Variants in TMPRSS13 observed in about 807,000 individuals in gnomAD.
TMPRSS13 encodes transmembrane protease serine 13.
Under a neutral mutation model 68.4 loss-of-function variants are expected in TMPRSS13, and 50 were observed. The ratio of observed to expected loss-of-function variants is 0.73; its 90% CI spans 0.58 to 0.93. The LOEUF is 0.93. Among genes scored for constraint, TMPRSS13 ranks in the 40% least tolerant of loss-of-function variants. The pLI is 0.00. For missense variants in TMPRSS13, 615 were observed against 729.2 expected (o/e 0.84, Z 1.80); for synonymous variants, 267 against 285.8 (o/e 0.93, Z 0.66).
At chr11:117,905,592 C>G in intron 10 of TMPRSS13, 46 bp downstream of exon 10, 5 of 1,482,506 alleles carry the variant, frequency 3.4e-6, no homozygotes, top group Non-Finnish European at 4.6e-6. Context: ...TATACACACA[C>G]ATGCACATGA....
chr11:117,916,669 G>A lies in TMPRSS13; in HGVS notation c.556+501C>T, dbSNP rs150624463. ...GCCTGAACCCCTGAATGCTGAACAC[G>A]TCATCCCATTGACTGAATATCCTTG... is the stretch of plus-strand genomic sequence containing the variant. On this transcript the variant is annotated intron_variant, in intron 3 of 12. Coordinates refer to ENST00000524993, the MANE Select transcript of TMPRSS13 (RefSeq NM_001077263.3). Among the ~76,000 whole-genome samples the A allele has an allele frequency of 3.9e-5, 6 of 152,298 alleles. No individual in the cohort carries two copies. In the East Asian group the frequency reaches 1.2e-3, roughly 29 times the overall value.
chr11:117,916,608 T>G (rs2057580501), intron 3 of TMPRSS13, among the ~76,000 whole-genome samples: 1 of 152,266 alleles, frequency 6.6e-6, no homozygotes, highest in Non-Finnish European at 1.5e-5. Flanking sequence ...CAGAGAGCCC[T>G]GGGGCATGCC....
chr11:117,920,883 T>G (rs1204775712), intron 1 of TMPRSS13, among the ~76,000 whole-genome samples: 1 of 152,220 alleles, frequency 6.6e-6, no homozygotes, highest in Non-Finnish European at 1.5e-5. Flanking sequence ...CAACTGCGTT[T>G]CCTGGGCAAG....
chr11:117,902,074 ACAC>A lies in TMPRSS13; in HGVS notation c.*162_*164del. The A allele has an allele frequency of 1.3e-5, 1 of 75,826 alleles. No individual in the cohort carries two copies. The allele number at this position is 75,826 out of a possible 1,614,324, so 4.7% of individuals were successfully genotyped here. A position where few individuals can be genotyped will look rare whatever the true frequency, so the allele number is the denominator to read the frequency against. Reference sequence around the variant, plus strand: ...GGAGAGTGGCAATGCACACATATGCACACACACACACACACACACACACACACA... The same window carrying A: ...GGAGAGTGGCAATGCACACATATGCAACACACACACACACACACACACACA... On this transcript the variant is annotated 3_prime_UTR_variant, in exon 13 of 13. Transcript: ENST00000524993.
At position 117,918,824 on chromosome 11, in the gene TMPRSS13, T is replaced by C. The variant is rs74585113; in HGVS notation, c.36A>G (p.Ala12=). Residue 12 remains alanine, a synonymous_variant, in exon 2 of 13, where the codon GCA becomes GCG. Transcript: ENST00000524993. ...ERDSHGNASP[A]RTPSAGASPA... Reference sequence around the variant, plus strand: ...GAGATGCTCCAGCTGAAGGTGTTCTTGCTGGAGATGCATTCTGAAAGCAGA... The same window carrying C: ...GAGATGCTCCAGCTGAAGGTGTTCTCGCTGGAGATGCATTCTGAAAGCAGA... 2.7e-3 allele frequency: 4,364 copies of C among 1,613,674 alleles called. 97 individuals carry two copies. In the East Asian group the frequency reaches 0.059, roughly 22 times the overall value.
At chr11:117,907,015 C>T (rs1328614308) in intron 9 of TMPRSS13, among the ~76,000 whole-genome samples, 2 of 152,138 alleles carry the variant, frequency 1.3e-5, no homozygotes, top group Middle Eastern at 3.4e-3. Context: ...CTATTGGAGC[C>T]TGGAGGGAGA....
rs1421450355 is a variant in TMPRSS13, at chr11:117,914,616, C to A, written c.557-102G>T. The A allele has an allele frequency of 1.3e-6, 2 of 1,550,622 alleles. No homozygotes were observed. The highest frequency in any genetic ancestry group is 1.4e-5 in the African/African-American group (1 of 73,588). On this transcript the variant is annotated intron_variant, in intron 3 of 12. Transcript: ENST00000524993. This position sits in a 1 kb window ranked among gnomAD's most constrained non-coding sequence, Gnocchi z 4.2. ...GGGTTCTGAGACACCGACCTGCAAT[C>A]CCTCTTGAACTCTGGGGCTCTCATC...
chr11:117,926,308 C>T (rs943108588), intron 1 of TMPRSS13, among the ~76,000 whole-genome samples: 3 of 152,138 alleles, frequency 2.0e-5, no homozygotes, highest in African/African-American at 7.2e-5. Context: ...AGGGCAGGTG[C>T]CAGGGTCCTT....
chr11:117,913,686 A>G, intron 5 of TMPRSS13, 91 bp downstream of exon 5: 1 of 1,515,334 alleles, frequency 6.6e-7, no homozygotes, highest in Middle Eastern at 1.8e-4. Flanking sequence ...GGGTCTTTTT[A>G]ATATAATGTT....
rs559406052 is a variant in TMPRSS13 at position 117,917,054 on chromosome 11, A to G, written c.556+116T>C. 34 of 860,076 alleles carry G rather than the reference A, an allele frequency of 4.0e-5. 1 individual carries two copies. The South Asian group carries it at 5.3e-4, about 13-fold the overall frequency. 53.3% of individuals were successfully genotyped at this position (860,076 alleles called of 1,614,324 possible). A position where few individuals can be genotyped will look rare whatever the true frequency, so the allele number is the denominator to read the frequency against. On this transcript the variant is annotated intron_variant, in intron 3 of 12. Transcript: ENST00000524993. ...TGCAGGAGTGTCCCTCTCTGGACACAGTAGCCGGGTGAGTGGGTGCTCCCC... is the reference window on the plus strand; with the variant it reads ...TGCAGGAGTGTCCCTCTCTGGACACGGTAGCCGGGTGAGTGGGTGCTCCCC...
intron 7 of TMPRSS13, 155 bp downstream of exon 7, chr11:117,910,552 C>T (rs545559736): frequency 3.0e-6 from 2 of 658,244 alleles, no homozygotes; most frequent in South Asian, 4.7e-5. Context: ...GTACCGGTGC[C>T]TTACAGGGAC....
intron 1 of TMPRSS13, among the ~76,000 whole-genome samples, chr11:117,928,214 C>G (rs1449617658): frequency 6.6e-6 from 1 of 152,192 alleles, no homozygotes; most frequent in African/African-American, 2.4e-5. Context: ...CAGTAAGAGG[C>G]TCTGATAACC....
rs534251851 is a variant in TMPRSS13 at position 117,915,897 on chromosome 11, C to T, written c.556+1273G>A. Among the ~76,000 whole-genome samples, 7 of 152,308 alleles carry T rather than the reference C, an allele frequency of 4.6e-5. No individual in the cohort carries two copies. Among genetic ancestry groups the T allele is most frequent in the Middle Eastern group, 3.4e-3 (1 of 294 alleles). On this transcript the variant is annotated intron_variant, in intron 3 of 12. Transcript: ENST00000524993. The surrounding 1 kb of genome is among the most constrained non-coding windows in gnomAD (Gnocchi z 4.9). ...CAGCAAGTCACAGCAGGCACCATGC[C>T]GAGGCCTTTATGTGCATTATGACAA...
intron 1 of TMPRSS13, among the ~76,000 whole-genome samples, chr11:117,921,330 A>G (rs1054899891): frequency 1.1e-4 from 16 of 152,216 alleles, no homozygotes; most frequent in Admixed American, 1.3e-4. Context: ...CAAGCTGGGC[A>G]GGAATTACTA....
rs929998147 is a variant in TMPRSS13 at position 117,900,959 on chromosome 11, G to T, written c.*1280C>A. On this transcript the variant is annotated 3_prime_UTR_variant, in exon 13 of 13. Transcript: ENST00000524993. The stretch of plus-strand genomic sequence containing the variant: ...TAGGTGCCCCAGAAAAAAGGCTGGG[G>T]AAGGCCCAGGCTTTTAGCTGGCGAG... 6.6e-6 allele frequency: 1 copy of T among 152,332 alleles called. No individual in the cohort carries two copies. The highest frequency in any genetic ancestry group is 1.5e-5 in the Non-Finnish European group (1 of 68,100). 9.4% of individuals were successfully genotyped at this position (152,332 alleles called of 1,614,324 possible).
Position 117,925,049 on chromosome 11 carries a change from C to T in TMPRSS13, c.21+4238G>A, listed in dbSNP as rs2057691358. On this transcript the variant is annotated intron_variant, in intron 1 of 12. Transcript: ENST00000524993. ...TCACATCCTTCTCTGGGCCTCAGCTCCCTCTTCAATAAATTAAGGGTGTTG... is the reference window on the plus strand; with the variant it reads ...TCACATCCTTCTCTGGGCCTCAGCTTCCTCTTCAATAAATTAAGGGTGTTG... Among the ~76,000 whole-genome samples, 3 of 152,202 alleles carry T rather than the reference C, an allele frequency of 2.0e-5. No individual in the cohort carries two copies. In the South Asian group the frequency reaches 6.2e-4, roughly 32 times the overall value.
Position 117,914,574 on chromosome 11 carries a change from G to A in TMPRSS13, c.557-60C>T. 1 of 1,605,448 alleles carries A rather than the reference G, an allele frequency of 6.2e-7. No homozygotes were observed. The highest frequency in any genetic ancestry group is 8.5e-7 in the Non-Finnish European group (1 of 1,178,052). Reference sequence around the variant, plus strand: ...CAGCCCCACTGAGATGAGACACTGAGCAGCCCAAGGACCTGGGGGTTCTGA... The same window carrying A: ...CAGCCCCACTGAGATGAGACACTGAACAGCCCAAGGACCTGGGGGTTCTGA... On this transcript the variant is annotated intron_variant, in intron 3 of 12. Coordinates refer to ENST00000524993, the MANE Select transcript of TMPRSS13 (RefSeq NM_001077263.3). The surrounding 1 kb of genome is among the most constrained non-coding windows in gnomAD (Gnocchi z 4.2).
chr11:117,910,502 C>T, intron 7 of TMPRSS13: 2 of 535,126 alleles, frequency 3.7e-6, no homozygotes, highest in Non-Finnish European at 6.7e-6. Context: ...TGGGCTGAGC[C>T]CCTACCAGAG....
At position 117,903,766 on chromosome 11, in the gene TMPRSS13, G is replaced by A; in HGVS notation, c.1566C>T (p.Arg522=). ...AGCTGGTGACACCTGCCAGGTACCA[G>A]CGGTTGTTCTGCTCACAGACAAGAG... ...GGPLVCEQNN[R]WYLAGVTSWG... is the part of the protein sequence containing the mutation. Residue 522 remains arginine, a synonymous_variant, in exon 12 of 13, where the codon CGC becomes CGT. Coordinates refer to ENST00000524993, the MANE Select transcript of TMPRSS13 (RefSeq NM_001077263.3). The A allele has an allele frequency of 6.2e-7, 1 of 1,612,454 alleles. No homozygotes were observed. The highest frequency in any genetic ancestry group is 1.1e-5 in the South Asian group (1 of 90,624).
Sources: allele counts gnomAD v4.1 joint callset (sites outside exome capture counted in the v4.1 genomes callset), GRCh38; gene constraint gnomAD v4.1.1; non-coding constraint Gnocchi (gnomAD v3.1); transcripts MANE v1.5; gene names NCBI Gene and HGNC (gene_info 2026-07-23, HGNC 2026-07-21).